SH3PXD2A: variants seen among roughly 807,000 people sequenced by gnomAD.
SH3PXD2A encodes the protein SH3 and PX domains 2A, also known as SH3 and PX domain-containing protein 2A.
In SH3PXD2A, 32 loss-of-function variants were observed where a neutral mutation model predicts 115.2. That is an observed-to-expected ratio of 0.28 (90% CI 0.21 to 0.37). SH3PXD2A has a LOEUF of 0.37. Among genes scored for constraint, SH3PXD2A ranks in the 10% least tolerant of loss-of-function variants. The pLI, the probability that SH3PXD2A is intolerant of heterozygous loss-of-function variation, is 1.00. For missense variants in SH3PXD2A, 1,328 were observed against 1,498.7 expected (o/e 0.89, Z 1.88); for synonymous variants, 610 against 629.1 (o/e 0.97, Z 0.45).
intron 1 of SH3PXD2A, among the ~76,000 whole-genome samples, chr10:103,804,578 T>C (rs964304021): frequency 1.3e-5 from 2 of 151,946 alleles, no homozygotes; most frequent in African/African-American, 2.4e-5. Context: ...TGCCTCAGCC[T>C]CCCAAAGTCC....
At position 103,606,432 on chromosome 10, in the gene SH3PXD2A, TAAAAAA is replaced by T. The variant is rs533450822; in HGVS notation, c.1309-521_1309-516del. Among the ~76,000 whole-genome samples, 3 of 8,156 alleles carry T rather than the reference TAAAAAA, an allele frequency of 3.7e-4. No individual in the cohort carries two copies. The Admixed American group carries it at 6.4e-3, about 17-fold the overall frequency. 5.4% of individuals were successfully genotyped at this position (8,156 alleles called of 152,430 possible). On this transcript the variant is annotated intron_variant, in intron 13 of 14. Transcript: ENST00000369774. ...TCTCTCAGGATCTGGAAGAATTTGC[TAAAAAA>T]AAAAAAAAAAAAAAAAAAAAAGCTC...
In SH3PXD2A at chr10:103,601,704, T is replaced by G; in HGVS notation, c.*112A>C. ...ACCCATTCTGCAGTGTTGAATGTTG[T>G]CCACCCCCCACCCCCCACCCCCATT... On this transcript the variant is annotated 3_prime_UTR_variant, in exon 15 of 15. Transcript: ENST00000369774. The G allele has an allele frequency of 4.6e-6, 1 of 215,138 alleles. No individual in the cohort carries two copies. The highest frequency in any genetic ancestry group is 2.5e-5 in the African/African-American group (1 of 39,874). The allele number at this position is 215,138 out of a possible 1,614,324, so 13.3% of individuals were successfully genotyped here.
At chr10:103,744,398 C>T (rs1251191992) in intron 3 of SH3PXD2A, among the ~76,000 whole-genome samples, 2 of 151,912 alleles carry the variant, frequency 1.3e-5, no homozygotes, top group Non-Finnish European at 2.9e-5. Context: ...GGTGATCCGC[C>T]CGCCTCAGCC....
intron 1 of SH3PXD2A, among the ~76,000 whole-genome samples, chr10:103,835,459 G>A (rs1480555479): frequency 2.0e-5 from 3 of 152,214 alleles, no homozygotes; most frequent in Non-Finnish European, 4.4e-5. Context: ...AGCAGACAAC[G>A]ATGGATCTGC....
chr10:103,644,114 CAAAA>C (rs71019685), intron 8 of SH3PXD2A, among the ~76,000 whole-genome samples: 20,093 of 73,080 alleles, frequency 0.27, 1,537 homozygotes, highest in East Asian at 0.3. Flanking sequence ...GGCTCCATCC[CAAAA>C]AAAAAAAAAA....
At chr10:103,659,749 C>G (rs1231098071) in intron 8 of SH3PXD2A, among the ~76,000 whole-genome samples, 2 of 152,100 alleles carry the variant, frequency 1.3e-5, no homozygotes, top group Non-Finnish European at 2.9e-5. Flanking sequence ...ACTTCGAAGA[C>G]CTCAGAGCAG....
intron 4 of SH3PXD2A, among the ~76,000 whole-genome samples, chr10:103,730,986 G>A (rs962146441): frequency 2.0e-5 from 3 of 152,192 alleles, no homozygotes; most frequent in African/African-American, 7.2e-5. Flanking sequence ...GCTCAGGGGC[G>A]GAGGCCTGGC....
chr10:103,782,775 T>C (rs1218174307), intron 2 of SH3PXD2A, among the ~76,000 whole-genome samples: 1 of 130,620 alleles, frequency 7.7e-6, no homozygotes, highest in East Asian at 2.3e-4. Context: ...GGTGGGAGGA[T>C]GGCTTGAGCC....
intron 2 of SH3PXD2A, among the ~76,000 whole-genome samples, chr10:103,799,129 G>A (rs4918053): frequency 0.58 from 87,975 of 151,482 alleles, 26,993 homozygotes; most frequent in South Asian, 0.72. Flanking sequence ...ACCGGTCCCA[G>A]GGAATGTGCC....
rs1271542361 is a variant in SH3PXD2A at position 103,603,775 on chromosome 10, G to A, written c.1443C>T (p.Asn481=). The change falls in exon 15 of 15, where the codon AAC becomes AAT. Residue 481 remains asparagine, a synonymous_variant. Transcript: ENST00000369774. ...GGQKAEVIDK[N]SGGWWYVQIG... The stretch of plus-strand genomic sequence containing the variant: ...TCTGCACGTACCACCAGCCACCTGA[G>A]TTCTTATCAATGACCTGGGGTACGA... The A allele has an allele frequency of 1.9e-6, 3 of 1,608,076 alleles. No homozygotes were observed. Among genetic ancestry groups the A allele is most frequent in the South Asian group, 2.2e-5 (2 of 90,936 alleles).
chr10:103,602,732 G>A lies in SH3PXD2A; in HGVS notation c.2486C>T (p.Thr829Ile). 1 of 1,614,138 alleles carries A rather than the reference G, an allele frequency of 6.2e-7. No individual in the cohort carries two copies. Among genetic ancestry groups the A allele is most frequent in the African/African-American group, 1.3e-5 (1 of 75,044 alleles). Reference sequence around the variant, plus strand: ...TTCCTTCTTGGTGGGACATGGGGGAGTGGTGGCTGGGAGGGTGATGAGGTC... The same window carrying A: ...TTCCTTCTTGGTGGGACATGGGGGAATGGTGGCTGGGAGGGTGATGAGGTC... ...SSDLITLPAT[T>I]PPCPTKKEWE... Residue 829 changes from threonine (T) to isoleucine (I), a missense_variant, in exon 15 of 15, where the codon ACT (threonine) becomes ATT (isoleucine). Physicochemically the swap from Thr to Ile is moderately conservative, Grantham distance 89. Around this residue, in one of 5 missense-constraint regions of SH3PXD2A, gnomAD observed 574 missense variants for 565.7 expected, o/e 1.01. Coordinates refer to ENST00000369774, the MANE Select transcript of SH3PXD2A (RefSeq NM_001394015.1).
chr10:103,734,951 G>A (rs1273761669), intron 4 of SH3PXD2A, among the ~76,000 whole-genome samples: 1 of 152,234 alleles, frequency 6.6e-6, no homozygotes, highest in Non-Finnish European at 1.5e-5. Flanking sequence ...GGCACCCTGT[G>A]TGTTCTCCTC....
chr10:103,681,414 T>C (rs1001577878), intron 6 of SH3PXD2A, among the ~76,000 whole-genome samples: 6 of 152,206 alleles, frequency 3.9e-5, no homozygotes, highest in African/African-American at 1.2e-4. Context: ...TCAACCCACA[T>C]GGATGACCCA....
intron 4 of SH3PXD2A, among the ~76,000 whole-genome samples, chr10:103,729,877 A>C (rs149795587): frequency 3.2e-4 from 49 of 152,232 alleles, no homozygotes; most frequent in African/African-American, 1.1e-3. Context: ...AGACCATTTC[A>C]TGGGGGCCAT....
At chr10:103,841,263 G>A (rs1311992277) in intron 1 of SH3PXD2A, among the ~76,000 whole-genome samples, 4 of 152,140 alleles carry the variant, frequency 2.6e-5, no homozygotes, top group Admixed American at 6.5e-5. Context: ...GGATGTGGTC[G>A]CTGCTTTTGC....
chr10:103,744,824 ATC>A (rs1564878566), intron 3 of SH3PXD2A, among the ~76,000 whole-genome samples: 1 of 152,162 alleles, frequency 6.6e-6, no homozygotes, highest in African/African-American at 2.4e-5. Context: ...GCTCCCATGA[ATC>A]TCTCTTTAGA....
At chr10:103,707,064 A>C (rs1350169048) in intron 5 of SH3PXD2A, among the ~76,000 whole-genome samples, 1 of 152,138 alleles carries the variant, frequency 6.6e-6, no homozygotes, top group Non-Finnish European at 1.5e-5. Flanking sequence ...CTCCTCTGGC[A>C]GTTGGACTAC....
At chr10:103,670,424 GC>G (rs1036866404) in intron 6 of SH3PXD2A, among the ~76,000 whole-genome samples, 2 of 152,214 alleles carry the variant, frequency 1.3e-5, no homozygotes, top group Non-Finnish European at 2.9e-5. Flanking sequence ...CATAGTCAGT[GC>G]TTGATAATGG....
chr10:103,670,367 G>T (rs541638745), intron 6 of SH3PXD2A, among the ~76,000 whole-genome samples: 1 of 152,314 alleles, frequency 6.6e-6, no homozygotes, highest in South Asian at 2.1e-4. Context: ...GTTGCTGTGA[G>T]AATTAAATTA....
Sources: gnomAD v4.1 joint callset for allele counts (sites outside exome capture counted in the v4.1 genomes callset) on GRCh38, gnomAD v4.1.1 for gene constraint, gnomAD v4.1.1 regional missense constraint, MANE v1.5 for transcripts, NCBI Gene and HGNC (gene_info 2026-07-23, HGNC 2026-07-21) for gene names.